The following GOLM1 variants were observed in gnomAD, a reference collection of about 807,000 sequenced individuals.
GOLM1 encodes epididymis luminal protein 46.
GOLM1 carries 31 observed loss-of-function variants against 50.5 expected under a neutral mutation model. The observed-to-expected ratio is 0.61, with a 90% CI of 0.46 to 0.83. GOLM1 has a LOEUF of 0.83. GOLM1 is among the 40% of genes least tolerant of loss of function. The pLI is 0.00. For synonymous variants in GOLM1, 178 were observed against 192.8 expected (o/e 0.92, Z 0.64); for missense variants, 491 against 501.3 (o/e 0.98, Z 0.20).
Position 86,026,419 on chromosome 9 carries a change from G to A in GOLM1, c.*1398C>T. The A allele has an allele frequency of 2.0e-6, 2 of 985,074 alleles. No homozygotes were observed. The highest frequency in any genetic ancestry group is 3.5e-5 in the African/African-American group (2 of 57,298). 61.0% of individuals were successfully genotyped at this position (985,074 alleles called of 1,614,324 possible). A position where few individuals can be genotyped will look rare whatever the true frequency, so the allele number is the denominator to read the frequency against. On this transcript the variant is annotated 3_prime_UTR_variant, in exon 10 of 10. Coordinates refer to ENST00000388712, the MANE Select transcript of GOLM1 (RefSeq NM_016548.4). ...AGGTGGCAACGTGAATTGCAAACAG[G>A]GCCTGCTTCAGTGACTGTGTGCCTG... is the stretch of plus-strand genomic sequence containing the variant.
chr9:86,086,875 G>T (rs1834989900), intron 1 of GOLM1, among the ~76,000 whole-genome samples: 1 of 152,162 alleles, frequency 6.6e-6, no homozygotes, highest in Non-Finnish European at 1.5e-5. Flanking sequence ...ACAGTTTGAA[G>T]TCAGGCAGCA....
At chr9:86,064,640 G>A (rs1021350556) in intron 3 of GOLM1, among the ~76,000 whole-genome samples, 43 of 152,056 alleles carry the variant, frequency 2.8e-4, no homozygotes, top group African/African-American at 8.7e-4. Context: ...ACCCTATGAC[G>A]GCTTCCCCGG....
chr9:86,097,879 TCAA>T (rs915322492), intron 1 of GOLM1, among the ~76,000 whole-genome samples: 25 of 152,006 alleles, frequency 1.6e-4, no homozygotes, highest in South Asian at 4.2e-4. Flanking sequence ...TGCCCAGCCC[TCAA>T]CAACAACAAC....
Position 86,033,034 on chromosome 9 carries a change from G to C in GOLM1, c.1129+248C>G, listed in dbSNP as rs139971378. ...ACTGAAAAATCATCCTACTTAAAGA[G>C]TTGAGCCACACTGAATATGTTTCTA... On this transcript the variant is annotated intron_variant, in intron 9 of 9. Transcript: ENST00000388712. Among the ~76,000 whole-genome samples, 435 of 152,264 alleles carry C rather than the reference G, an allele frequency of 2.9e-3. 5 individuals are homozygous for C. In the South Asian group the frequency reaches 0.032, roughly 11 times the overall value.
intron 7 of GOLM1, 120 bp downstream of exon 7, chr9:86,036,228 T>C: frequency 1.0e-6 from 1 of 976,738 alleles, no homozygotes; most frequent in Non-Finnish European, 1.6e-6. Flanking sequence ...GAGAGACACG[T>C]CCCTGCTCCT....
intron 3 of GOLM1, among the ~76,000 whole-genome samples, chr9:86,070,415 C>T: frequency 6.6e-6 from 1 of 151,568 alleles, no homozygotes; most frequent in African/African-American, 2.4e-5. Flanking sequence ...CTACTAGAAA[C>T]ACAAAAATTA....
chr9:86,069,523 G>A (rs968590919), intron 3 of GOLM1, among the ~76,000 whole-genome samples: 1 of 152,218 alleles, frequency 6.6e-6, no homozygotes, highest in Non-Finnish European at 1.5e-5. Flanking sequence ...ATTTACTCTC[G>A]AATGAGCACA....
intron 1 of GOLM1, among the ~76,000 whole-genome samples, chr9:86,096,506 T>C (rs886411887): frequency 6.6e-6 from 1 of 152,232 alleles, no homozygotes; most frequent in African/African-American, 2.4e-5. Context: ...GCAAATTTTG[T>C]GGCCGACCCC....
rs146196259 is a variant in GOLM1, at chr9:86,092,468, T to C, written c.-22+6943A>G. Reference sequence around the variant, plus strand: ...AGGCCGTGGACATCCCAGACCAGGATCATATTATGAAAAAGGTTTGAGGAA... The same window carrying C: ...AGGCCGTGGACATCCCAGACCAGGACCATATTATGAAAAAGGTTTGAGGAA... On this transcript the variant is annotated intron_variant, in intron 1 of 9. Coordinates refer to ENST00000388712, the MANE Select transcript of GOLM1 (RefSeq NM_016548.4). Among the ~76,000 whole-genome samples, 532 of 152,212 alleles carry C rather than the reference T, an allele frequency of 3.5e-3. 2 individuals carry two copies. Among genetic ancestry groups the C allele is most frequent in the African/African-American group, 0.01 (434 of 41,536 alleles).
chr9:86,047,085 C>T (rs924638557), intron 4 of GOLM1, among the ~76,000 whole-genome samples: 4 of 141,392 alleles, frequency 2.8e-5, no homozygotes, highest in Non-Finnish European at 5.9e-5. Context: ...TATTCACAGC[C>T]AAGCCACTCT....
chr9:86,091,295 T>C (rs531241312), intron 1 of GOLM1, among the ~76,000 whole-genome samples: 27 of 152,344 alleles, frequency 1.8e-4, no homozygotes, highest in African/African-American at 6.3e-4. Flanking sequence ...TAGAAGGGCA[T>C]TTCCTATTCT....
In GOLM1 at chr9:86,077,605, G is replaced by A. The variant is rs528436894; in HGVS notation, c.130-14C>T. ...CATGATCCGTGTCTACAAGGAGACCGTGGCATTAGGGCTGATGCCAAGTTA... is the reference window on the plus strand; with the variant it reads ...CATGATCCGTGTCTACAAGGAGACCATGGCATTAGGGCTGATGCCAAGTTA... On this transcript the variant is annotated splice_polypyrimidine_tract_variant and intron_variant, in intron 2 of 9. Transcript: ENST00000388712. 126 of 1,606,014 alleles carry A rather than the reference G, an allele frequency of 7.8e-5. 1 individual carries two copies. In the South Asian group the frequency reaches 1.0e-3, roughly 13 times the overall value.
chr9:86,089,917 T>C (rs1164278486), intron 1 of GOLM1, among the ~76,000 whole-genome samples: 1 of 152,206 alleles, frequency 6.6e-6, no homozygotes, highest in African/African-American at 2.4e-5. Context: ...TCTTTGATAT[T>C]GGTGAACTTC....
At chr9:86,060,916 A>G (rs1406110941) in intron 3 of GOLM1, among the ~76,000 whole-genome samples, 3 of 73,480 alleles carry the variant, frequency 4.1e-5, no homozygotes, top group African/African-American at 4.0e-4. Context: ...AAAAAAAAAG[A>G]AGAAGAAGAA....
intron 4 of GOLM1, among the ~76,000 whole-genome samples, chr9:86,052,069 C>T (rs1358084788): frequency 1.3e-5 from 2 of 152,128 alleles, no homozygotes; most frequent in African/African-American, 2.4e-5. Flanking sequence ...CACCCCATTT[C>T]CTGCTCTGTG....
intron 5 of GOLM1, among the ~76,000 whole-genome samples, chr9:86,042,970 A>G (rs1203205554): frequency 6.6e-6 from 1 of 152,172 alleles, no homozygotes; most frequent in Non-Finnish European, 1.5e-5. Context: ...AACTGGAGCT[A>G]AATTGGAGAG....
intron 9 of GOLM1, among the ~76,000 whole-genome samples, chr9:86,028,889 C>A (rs1832877459): frequency 6.8e-6 from 1 of 147,540 alleles, no homozygotes; most frequent in African/African-American, 2.5e-5. Context: ...GGCTCTATCA[C>A]CCAGGCTGGA....
At chr9:86,044,434 A>G (rs1833465993) in intron 5 of GOLM1, among the ~76,000 whole-genome samples, 1 of 152,224 alleles carries the variant, frequency 6.6e-6, no homozygotes, top group South Asian at 2.1e-4. Context: ...GAAGAACGCA[A>G]TGCACGTGAG....
chr9:86,036,199 C>T, intron 7 of GOLM1, 149 bp downstream of exon 7: 1 of 768,842 alleles, frequency 1.3e-6, no homozygotes, highest in Non-Finnish European at 2.2e-6. Context: ...AGCCCCAAAG[C>T]CCCAATTCCA....
Sources: allele counts gnomAD v4.1 joint callset (sites outside exome capture counted in the v4.1 genomes callset), GRCh38; gene constraint gnomAD v4.1.1; transcripts MANE v1.5; gene names NCBI Gene and HGNC (gene_info 2026-07-23, HGNC 2026-07-21).